The following RAB10 variants were observed in gnomAD, a reference collection of about 807,000 sequenced individuals.
RAB10 encodes ras-related protein Rab-10.
RAB10 carries 5 observed loss-of-function variants against 25.7 expected under a neutral mutation model. The observed-to-expected ratio is 0.19, with a 90% CI of 0.10 to 0.41. The LOEUF (loss-of-function observed/expected upper bound fraction) is 0.41, where lower values mean the gene tolerates loss of function less well. Ranked by LOEUF, RAB10 falls within the 10% of genes least tolerant of loss-of-function variation. RAB10 has a pLI of 1.00. For synonymous variants in RAB10, 89 were observed against 86.4 expected (o/e 1.03, Z -0.16); for missense variants, 103 against 245.8 (o/e 0.42, Z 3.89).
chr2:26,098,833 G>A lies in RAB10; in HGVS notation c.188+111G>A, dbSNP rs947625571. The stretch of plus-strand genomic sequence containing the variant: ...ATTCTGTGAGACTTTTGTTTTTAAA[G>A]CAGGCAGTCAGGTGACCTTTTTGTG... On this transcript the variant is annotated intron_variant, in intron 2 of 5. Transcript: ENST00000264710. The A allele has an allele frequency of 8.9e-6, 8 of 902,746 alleles. No individual in the cohort carries two copies. In the Admixed American group the frequency reaches 2.4e-4, roughly 27 times the overall value. The allele number at this position is 902,746 out of a possible 1,614,324, so 55.9% of individuals were successfully genotyped here.
rs1460023292 is a variant in RAB10, at chr2:26,136,104, C to T, written c.*1083C>T. ...GTTTATGAAATGGAAGAGTTAACTG[C>T]ATGCACTAGTGTTTGGAGGGTGTTG... On this transcript the variant is annotated 3_prime_UTR_variant, in exon 6 of 6. Transcript: ENST00000264710. The T allele has an allele frequency of 6.5e-6, 1 of 152,680 alleles. No individual in the cohort carries two copies. Among genetic ancestry groups the T allele is most frequent in the Non-Finnish European group, 1.5e-5 (1 of 68,068 alleles). The allele number at this position is 152,680 out of a possible 1,614,324, so 9.5% of individuals were successfully genotyped here. A position where few individuals can be genotyped will look rare whatever the true frequency, so the allele number is the denominator to read the frequency against.
chr2:26,114,254 T>C (rs1667637877), intron 3 of RAB10, among the ~76,000 whole-genome samples: 2 of 151,984 alleles, frequency 1.3e-5, no homozygotes, highest in Admixed American at 1.3e-4. Flanking sequence ...AAAACTAATA[T>C]AGAAAGGCAA....
At chr2:26,078,205 A>C (rs1447632034) in intron 1 of RAB10, among the ~76,000 whole-genome samples, 1 of 152,200 alleles carries the variant, frequency 6.6e-6, no homozygotes, top group Non-Finnish European at 1.5e-5. Flanking sequence ...AAGGGCATCC[A>C]ATGTCTGTAG....
chr2:26,111,371 G>A (rs1008461180), intron 3 of RAB10, among the ~76,000 whole-genome samples: 5 of 152,128 alleles, frequency 3.3e-5, no homozygotes, highest in East Asian at 1.9e-4. Context: ...CTGGGAGGCC[G>A]AGGTGGGCGG....
Position 26,127,256 on chromosome 2 carries a change from T to TA in RAB10, c.417+24dup, listed in dbSNP as rs748503555. 32 of 1,499,034 alleles carry TA rather than the reference T, an allele frequency of 2.1e-5. 1 individual carries two copies. The South Asian group carries it at 3.6e-4, about 17-fold the overall frequency. The allele number at this position is 1,499,034 out of a possible 1,614,324, so 92.9% of individuals were successfully genotyped here. A position where few individuals can be genotyped will look rare whatever the true frequency, so the allele number is the denominator to read the frequency against. On this transcript the variant is annotated intron_variant, in intron 4 of 5. Coordinates refer to ENST00000264710, the MANE Select transcript of RAB10 (RefSeq NM_016131.5). ...CAGGTAAAAATCTGAATTAAACTGA[T>TA]ACTCTGCTCTGTCTTTGTAAAGGTA...
intron 1 of RAB10, among the ~76,000 whole-genome samples, chr2:26,075,521 C>T (rs191223670): frequency 2.6e-4 from 39 of 152,064 alleles, no homozygotes; most frequent in African/African-American, 9.4e-4. Context: ...AGCTCAAGAA[C>T]AGTTTGCTTG....
At chr2:26,066,103 A>G (rs1666506641) in intron 1 of RAB10, among the ~76,000 whole-genome samples, 1 of 152,228 alleles carries the variant, frequency 6.6e-6, no homozygotes. Context: ...CTTTATTTTG[A>G]TTCCATGAAT....
At chr2:26,132,545 G>A (rs558080159) in intron 5 of RAB10, among the ~76,000 whole-genome samples, 6 of 152,260 alleles carry the variant, frequency 3.9e-5, no homozygotes, top group Middle Eastern at 3.4e-3. Context: ...GAGCCACCAC[G>A]CGTGACCTGA....
At chr2:26,095,476 G>A (rs756026182) in intron 1 of RAB10, among the ~76,000 whole-genome samples, 76 of 152,284 alleles carry the variant, frequency 5.0e-4, no homozygotes, top group Non-Finnish European at 9.6e-4. Context: ...GCATGGTGGC[G>A]GATGCCTGTA....
chr2:26,091,766 C>G (rs1440898881), intron 1 of RAB10, among the ~76,000 whole-genome samples: 1 of 151,922 alleles, frequency 6.6e-6, no homozygotes, highest in Non-Finnish European at 1.5e-5. Flanking sequence ...TTTTAGGGGT[C>G]AGAGAGATGA....
chr2:26,092,294 TG>T (rs1667125015), intron 1 of RAB10, among the ~76,000 whole-genome samples: 5 of 138,272 alleles, frequency 3.6e-5, no homozygotes, highest in African/African-American at 1.3e-4. Context: ...TGTGTGTGTG[TG>T]TGTGTGTGTG....
intron 3 of RAB10, among the ~76,000 whole-genome samples, chr2:26,125,434 CTTTTTTTTTT>C (rs780945835): frequency 8.4e-6 from 1 of 118,890 alleles, no homozygotes; most frequent in Non-Finnish European, 1.8e-5. Context: ...CCTTTGCTTG[CTTTTTTTTTT>C]TTTTTTTTTT....
intron 1 of RAB10, among the ~76,000 whole-genome samples, chr2:26,096,960 G>A (rs749658006): frequency 8.5e-5 from 13 of 152,108 alleles, no homozygotes; most frequent in Non-Finnish European, 1.8e-4. Flanking sequence ...GGTGGCTCAC[G>A]CCTGTAATCC....
intron 3 of RAB10, among the ~76,000 whole-genome samples, chr2:26,117,995 G>A (rs1041854061): frequency 4.0e-5 from 6 of 151,744 alleles, no homozygotes; most frequent in Non-Finnish European, 7.4e-5. Context: ...TTTTTGAGAC[G>A]GAGTCTTGCT....
chr2:26,044,143 T>C (rs1184332666), intron 1 of RAB10, among the ~76,000 whole-genome samples: 2 of 152,208 alleles, frequency 1.3e-5, no homozygotes, highest in Admixed American at 6.5e-5. Flanking sequence ...GCAAATTTAA[T>C]GTTATGTTTT....
At chr2:26,133,292 T>A (rs1331964903) in intron 5 of RAB10, among the ~76,000 whole-genome samples, 1 of 152,202 alleles carries the variant, frequency 6.6e-6, no homozygotes, top group Non-Finnish European at 1.5e-5. Flanking sequence ...GATGAACTAC[T>A]GTTCTATACA....
chr2:26,073,088 T>G (rs1401175885), intron 1 of RAB10, among the ~76,000 whole-genome samples: 1 of 152,232 alleles, frequency 6.6e-6, no homozygotes, highest in Non-Finnish European at 1.5e-5. Flanking sequence ...AGCTTATCTC[T>G]TAAGCTTGAG....
chr2:26,054,307 GCCTC>G (rs1251219774), intron 1 of RAB10, among the ~76,000 whole-genome samples: 4 of 151,882 alleles, frequency 2.6e-5, no homozygotes, highest in Non-Finnish European at 5.9e-5. Context: ...GCCCGTCTTG[GCCTC>G]CCAAAGTACT....
chr2:26,051,212 T>G (rs999172311), intron 1 of RAB10, among the ~76,000 whole-genome samples: 2 of 152,150 alleles, frequency 1.3e-5, no homozygotes, highest in Non-Finnish European at 2.9e-5. Context: ...GCTGGGATTT[T>G]AAGTGTGAGC....
Sources: gnomAD v4.1 joint callset for allele counts (sites outside exome capture counted in the v4.1 genomes callset) on GRCh38, gnomAD v4.1.1 for gene constraint, MANE v1.5 for transcripts, NCBI Gene and HGNC (gene_info 2026-07-23, HGNC 2026-07-21) for gene names.